Variants in HECTD4 observed in about 807,000 individuals in gnomAD.
The protein encoded by HECTD4 is probable E3 ubiquitin-protein ligase HECTD4.
In HECTD4, 114 loss-of-function variants were observed where a neutral mutation model predicts 471.5. That is an observed-to-expected ratio of 0.24 (90% confidence interval 0.21 to 0.28). The LOEUF (loss-of-function observed/expected upper bound fraction) is 0.28, where lower values mean the gene tolerates loss of function less well. Ranked by LOEUF, HECTD4 falls within the 10% of genes least tolerant of loss-of-function variation. The pLI is 1.00. For synonymous variants in HECTD4, 2,012 were observed against 2,256.0 expected, an observed-to-expected ratio of 0.89 and a Z score of 3.07; for missense variants, 3,866 against 5,651.5, an observed-to-expected ratio of 0.68 and a Z score of 10.13.
chr12:112,249,430 G>A (rs952482227), intron 25 of HECTD4: 1 of 152,004 alleles, frequency 6.6e-6, no homozygotes, highest in African/African-American at 2.4e-5. Context: ...GCTGGAAGAG[G>A]GCTAAGGCTA....
At chr12:112,316,236 G>A (rs2062803414) in intron 2 of HECTD4, among the ~76,000 whole-genome samples, 1 of 151,996 alleles carries the variant, frequency 6.6e-6, no homozygotes, top group Non-Finnish European at 1.5e-5. Context: ...CCATTTACGT[G>A]GAACTCTCTG....
At chr12:112,261,068 G>A (rs2034134945) in intron 18 of HECTD4, among the ~76,000 whole-genome samples, 1 of 152,078 alleles carries the variant, frequency 6.6e-6, no homozygotes. Flanking sequence ...CAGAGATTAG[G>A]CTGTGCCCTC....
At chr12:112,350,968 C>G (rs2036239379) in intron 1 of HECTD4, among the ~76,000 whole-genome samples, 1 of 152,146 alleles carries the variant, frequency 6.6e-6, no homozygotes, top group African/African-American at 2.4e-5. Flanking sequence ...GAGCTTAATT[C>G]CATGTCAGAA....
chr12:112,186,290 A>G (rs1593908245), intron 60 of HECTD4, among the ~76,000 whole-genome samples: 1 of 143,638 alleles, frequency 7.0e-6, no homozygotes, highest in African/African-American at 2.6e-5. Flanking sequence ...GTGCCTGGCC[A>G]TGAGGCTGGC....
intron 1 of HECTD4, among the ~76,000 whole-genome samples, chr12:112,329,131 T>C (rs1785494281): frequency 1.3e-5 from 2 of 152,342 alleles, no homozygotes; most frequent in African/African-American, 4.8e-5. Flanking sequence ...CCTGCTCTTG[T>C]TGCCTGAATG....
intron 1 of HECTD4, among the ~76,000 whole-genome samples, chr12:112,354,607 G>A (rs1359525291): frequency 6.6e-6 from 1 of 152,048 alleles, no homozygotes; most frequent in Non-Finnish European, 1.5e-5. Context: ...GATTGCATGA[G>A]CCCAGGAGGC....
Position 112,250,131 on chromosome 12 carries a change from C to T in HECTD4, c.3950+13G>A. ...TCCCATTGGGAAAAGTAAAACACTACACAGCAACATACTTTATACTTGGTC... is the reference window on the plus strand; with the variant it reads ...TCCCATTGGGAAAAGTAAAACACTATACAGCAACATACTTTATACTTGGTC... On this transcript the variant is annotated intron_variant, in intron 25 of 75. Coordinates refer to ENST00000682272, the MANE Select transcript of HECTD4 (RefSeq NM_001388303.1). 6.3e-7 allele frequency: 1 copy of T among 1,588,454 alleles called. No homozygotes were observed. Among genetic ancestry groups the T allele is most frequent in the Non-Finnish European group, 8.6e-7 (1 of 1,158,136 alleles).
intron 1 of HECTD4, among the ~76,000 whole-genome samples, chr12:112,356,143 T>C (rs1200344341): frequency 6.6e-6 from 1 of 152,162 alleles, no homozygotes; most frequent in Non-Finnish European, 1.5e-5. Context: ...ATGAAGCTAA[T>C]AGCCTTTGAA....
rs750138004 is a variant in HECTD4 at position 112,243,669 on chromosome 12, A to C, written c.4742T>G (p.Val1581Gly). 6.2e-7 allele frequency: 1 copy of C among 1,613,456 alleles called. No homozygotes were observed. Among genetic ancestry groups the C allele is most frequent in the South Asian group, 1.1e-5 (1 of 90,986 alleles). The change falls in exon 31 of 76, where the codon GTC becomes GGC. Residue 1581 changes from valine to glycine, a missense_variant. Transcript: ENST00000682272. This position sits in a 1 kb window ranked among gnomAD's most constrained non-coding sequence, Gnocchi z 6.6. ...EDSRDKPTYSVLLGQLFAFIG... is the reference protein window; with the variant it reads ...EDSRDKPTYSGLLGQLFAFIG... ...GAAAGCAAACAGCTGCCCTAGCAGG[A>C]CACTGTAGGTGGGCTTGTCCCTGCT...
In HECTD4 at chr12:112,175,757, C is replaced by T. The variant is rs2031417051; in HGVS notation, c.11573G>A (p.Gly3858Asp). 1 of 1,612,886 alleles carries T rather than the reference C, an allele frequency of 6.2e-7. No individual in the cohort carries two copies. Among genetic ancestry groups the T allele is most frequent in the Non-Finnish European group, 8.5e-7 (1 of 1,179,436 alleles). ...TTACCTCTCAAAGTGAAGATCGTAA[C>T]CACAGGACAAGATCGCCCTCCAGAC... ...RSVWRAILSC[G>D]YDLHFERCAC... is the part of the protein sequence containing the mutation. Residue 3858 changes from glycine to aspartate, a missense_variant, in exon 66 of 76, where the codon GGT becomes GAT. Physicochemically the swap from Gly to Asp is moderately conservative, Grantham distance 94 (BLOSUM62 -1). Coordinates refer to ENST00000682272, the MANE Select transcript of HECTD4 (RefSeq NM_001388303.1).
chr12:112,243,249 A>G lies in HECTD4; in HGVS notation c.4958+104T>C. The G allele has an allele frequency of 9.7e-7, 1 of 1,026,266 alleles. No individual in the cohort carries two copies. Among genetic ancestry groups the G allele is most frequent in the Non-Finnish European group, 1.4e-6 (1 of 712,144 alleles). The allele number at this position is 1,026,266 out of a possible 1,614,324, so 63.6% of individuals were successfully genotyped here. On this transcript the variant is annotated intron_variant, in intron 32 of 75. Transcript: ENST00000682272. The surrounding 1 kb of genome is among the most constrained non-coding windows in gnomAD (Gnocchi z 6.6). ...CTTTTATATAAATATTTTAGAGGAA[A>G]ACATTAGCAAATACTACCGCCTATG... is the stretch of plus-strand genomic sequence containing the variant.
At chr12:112,203,542 C>A (rs2032490486) in intron 54 of HECTD4, 94 bp downstream of exon 54, 18 of 1,024,294 alleles carry the variant, frequency 1.8e-5, no homozygotes, top group Middle Eastern at 4.3e-4. Context: ...AGAAACTCAT[C>A]TGTATAATCA....
intron 32 of HECTD4, among the ~76,000 whole-genome samples, chr12:112,242,240 C>T (rs1258142430): frequency 6.6e-6 from 1 of 152,090 alleles, no homozygotes; most frequent in Non-Finnish European, 1.5e-5. Context: ...GACAAATGAA[C>T]CTATGTGTCC....
At position 112,167,397 on chromosome 12, in the gene HECTD4, C is replaced by T; in HGVS notation, c.12454G>A (p.Val4152Met). ...TGCTCAGGGTCCAAGGGCTCGCCCA[C>T]CAGCGTCTTCCAGAAGGAGGGCAGG... ...DLLPSFWKTL[V>M]GEPLDPEQDL... is the part of the protein sequence containing the mutation. The change falls in exon 72 of 76, where the codon GTG becomes ATG. Residue 4152 changes from valine to methionine, a missense_variant. By Grantham distance (21) the Val-to-Met change is conservative. Around this residue, in one of 16 missense-constraint regions of HECTD4, gnomAD observed 715 missense variants for 1,087.6 expected, o/e 0.66. Coordinates refer to ENST00000682272, the MANE Select transcript of HECTD4 (RefSeq NM_001388303.1). 1 of 1,613,848 alleles carries T rather than the reference C, an allele frequency of 6.2e-7. No homozygotes were observed. Among genetic ancestry groups the T allele is most frequent in the Non-Finnish European group, 8.5e-7 (1 of 1,179,868 alleles).
Position 112,167,095 on chromosome 12 carries a change from G to A in HECTD4, c.12534+222C>T, listed in dbSNP as rs907459736. ...AATGTGGGAGGGGAGGGCCAGCAGG[G>A]CTGGTCATGTCACCTCCAATCTCTG... On this transcript the variant is annotated intron_variant, in intron 72 of 75. Coordinates refer to ENST00000682272, the MANE Select transcript of HECTD4 (RefSeq NM_001388303.1). The A allele has an allele frequency of 2.6e-5, 12 of 458,940 alleles. No individual in the cohort carries two copies. In the Admixed American group the frequency reaches 4.7e-4, roughly 18 times the overall value. 28.4% of individuals were successfully genotyped at this position (458,940 alleles called of 1,614,324 possible).
intron 37 of HECTD4, among the ~76,000 whole-genome samples, chr12:112,234,773 C>T (rs1177320135): frequency 6.6e-6 from 1 of 152,208 alleles, no homozygotes; most frequent in Non-Finnish European, 1.5e-5. Context: ...CCAAGTCACA[C>T]TGGAGGCTTC....
chr12:112,280,234 CTTTTT>C (rs1203395339), intron 8 of HECTD4, among the ~76,000 whole-genome samples: 1 of 151,772 alleles, frequency 6.6e-6, no homozygotes, highest in Non-Finnish European at 1.5e-5. Flanking sequence ...ATACATTTTT[CTTTTT>C]TTTAAGGGTC....
intron 1 of HECTD4, among the ~76,000 whole-genome samples, chr12:112,341,275 A>C (rs2036050261): frequency 6.6e-6 from 1 of 152,198 alleles, no homozygotes; most frequent in Non-Finnish European, 1.5e-5. Context: ...CAACAGACAC[A>C]ATAAGGCACC....
chr12:112,274,788 CAA>C, intron 10 of HECTD4, 57 bp downstream of exon 10: 2 of 1,028,526 alleles, frequency 1.9e-6, no homozygotes, highest in Non-Finnish European at 3.0e-6. Context: ...CAAGACAGTT[CAA>C]GAGAAATTTG....
Sources: allele counts gnomAD v4.1 joint callset (sites outside exome capture counted in the v4.1 genomes callset), GRCh38; gene constraint gnomAD v4.1.1; regional missense constraint gnomAD v4.1.1; non-coding constraint Gnocchi (gnomAD v3.1); transcripts MANE v1.5; gene names NCBI Gene and HGNC (gene_info 2026-07-23, HGNC 2026-07-21).